TAFA5: variants seen among roughly 807,000 people sequenced by gnomAD.
TAFA5 encodes the protein TAFA chemokine like family member 5.
A neutral mutation model predicts 15.3 loss-of-function variants in TAFA5; 6 were observed. That is an observed-to-expected ratio of 0.39 (90% CI 0.21 to 0.77). TAFA5 has a LOEUF of 0.77. Ranked by LOEUF, TAFA5 falls within the 30% of genes least tolerant of loss-of-function variation. The pLI is 0.41. For missense variants in TAFA5, 161 were observed against 193.1 expected (o/e 0.83, Z 0.98); for synonymous variants, 103 against 80.7 (o/e 1.28, Z -1.48).
chr22:48,521,589 C>T (rs1921601698), intron 1 of TAFA5, among the ~76,000 whole-genome samples: 2 of 152,018 alleles, frequency 1.3e-5, no homozygotes, highest in South Asian at 2.1e-4. Context: ...GGATGGGTGT[C>T]GTGCCTGCGA....
At chr22:48,576,340 A>T in intron 1 of TAFA5, 1 of 1,037,514 alleles carries the variant, frequency 9.6e-7, no homozygotes, top group Non-Finnish European at 1.2e-6. Context: ...TGGCGCCTCC[A>T]GTCGCGGCGG....
At chr22:48,641,263 GTC>G (rs1252081948) in intron 1 of TAFA5, among the ~76,000 whole-genome samples, 3 of 152,268 alleles carry the variant, frequency 2.0e-5, no homozygotes, top group Admixed American at 6.5e-5. Flanking sequence ...ACAGAAGGGG[GTC>G]TCTGTGAAAT....
intron 1 of TAFA5, among the ~76,000 whole-genome samples, chr22:48,604,025 C>T (rs1263416567): frequency 6.6e-6 from 1 of 152,172 alleles, no homozygotes; most frequent in Non-Finnish European, 1.5e-5. Flanking sequence ...TTTTGATAAT[C>T]CAGGTACCCC....
chr22:48,713,254 A>G (rs938434244), intron 3 of TAFA5, among the ~76,000 whole-genome samples: 1 of 152,212 alleles, frequency 6.6e-6, no homozygotes, highest in Non-Finnish European at 1.5e-5. Context: ...CCATTTGCCC[A>G]ACGTGAGAGA....
At chr22:48,611,958 C>T (rs1386839551) in intron 1 of TAFA5, among the ~76,000 whole-genome samples, 1 of 152,176 alleles carries the variant, frequency 6.6e-6, no homozygotes, top group Non-Finnish European at 1.5e-5. Flanking sequence ...AATCCTGGGT[C>T]CCTGTTTACT....
intron 1 of TAFA5, among the ~76,000 whole-genome samples, chr22:48,595,270 C>G (rs1336978830): frequency 6.6e-6 from 1 of 152,214 alleles, no homozygotes; most frequent in African/African-American, 2.4e-5. Flanking sequence ...GTGATCAGCT[C>G]CAACCTCAAA....
chr22:48,618,552 C>T (rs1021172224), intron 1 of TAFA5, among the ~76,000 whole-genome samples: 1 of 152,220 alleles, frequency 6.6e-6, no homozygotes, highest in African/African-American at 2.4e-5. Flanking sequence ...GCCTCGTCCG[C>T]ACCCGCAGCT....
Position 48,598,121 on chromosome 22 carries a change from G to A in TAFA5, c.113-48476G>A, listed in dbSNP as rs34615874. On this transcript the variant is annotated intron_variant, in intron 1 of 3. Transcript: ENST00000402357. The surrounding 1 kb of genome is among the most constrained non-coding windows in gnomAD (Gnocchi z 4.0). The stretch of plus-strand genomic sequence containing the variant: ...GAAGAGGGCAGGCTGGAGACGCAGC[G>A]AGAGGTGCAGCTGGCGTCGTGAGGC... Among the ~76,000 whole-genome samples the A allele has an allele frequency of 0.14, 21,194 of 152,202 alleles. 1,751 individuals are homozygous for A. Among genetic ancestry groups the A allele is most frequent in the East Asian group, 0.23 (1,198 of 5,170 alleles).
At chr22:48,555,802 TG>T (rs1923016828) in intron 1 of TAFA5, among the ~76,000 whole-genome samples, 1 of 152,038 alleles carries the variant, frequency 6.6e-6, no homozygotes, top group Non-Finnish European at 1.5e-5. Context: ...GGGGTGGGGA[TG>T]GGGGCGCTGT....
chr22:48,526,652 G>T (rs1170333656), intron 1 of TAFA5, among the ~76,000 whole-genome samples: 1 of 152,230 alleles, frequency 6.6e-6, no homozygotes, highest in Non-Finnish European at 1.5e-5. Flanking sequence ...CAATGTCCCT[G>T]AGTGCATTTG....
At chr22:48,625,350 A>C (rs1455667159) in intron 1 of TAFA5, among the ~76,000 whole-genome samples, 1 of 152,214 alleles carries the variant, frequency 6.6e-6, no homozygotes. Flanking sequence ...AACTCTGATC[A>C]CCACCCCGTG....
At chr22:48,519,394 A>C (rs1043584817) in intron 1 of TAFA5, among the ~76,000 whole-genome samples, 20 of 152,242 alleles carry the variant, frequency 1.3e-4, no homozygotes, top group Admixed American at 4.6e-4. Context: ...CACGCTTCTC[A>C]GACTCAGAAT....
intron 1 of TAFA5, among the ~76,000 whole-genome samples, chr22:48,514,971 C>T (rs1417580754): frequency 2.6e-5 from 4 of 152,272 alleles, no homozygotes; most frequent in South Asian, 2.1e-4. Context: ...GGACATGGCA[C>T]GGGCCTCCCA....
At chr22:48,564,926 A>C (rs1923359938) in intron 1 of TAFA5, among the ~76,000 whole-genome samples, 1 of 152,246 alleles carries the variant, frequency 6.6e-6, no homozygotes, top group African/African-American at 2.4e-5. Flanking sequence ...GAGGAGGTGC[A>C]GAAGCTGCAG....
chr22:48,649,967 A>C (rs927229602), intron 2 of TAFA5, among the ~76,000 whole-genome samples: 1 of 152,088 alleles, frequency 6.6e-6, no homozygotes. Context: ...GGTCCCAGAG[A>C]CCCAAATTAA....
intron 1 of TAFA5, among the ~76,000 whole-genome samples, chr22:48,599,708 A>G (rs146533061): frequency 6.6e-6 from 1 of 152,296 alleles, no homozygotes; most frequent in Non-Finnish European, 1.5e-5. Context: ...CCACACAGAG[A>G]CGTGTTGGCT....
rs551013992 is a variant in TAFA5, at chr22:48,655,976, T to C, written c.262+9230T>C. Reference sequence around the variant, plus strand: ...GCCTCAGCCTCCCGAGTAGCAGGGATTACAGGCGCCTGCCACTACACCCGG... The same window carrying C: ...GCCTCAGCCTCCCGAGTAGCAGGGACTACAGGCGCCTGCCACTACACCCGG... On this transcript the variant is annotated intron_variant, in intron 2 of 3. Coordinates refer to ENST00000402357, the MANE Select transcript of TAFA5 (RefSeq NM_001082967.3). Among the ~76,000 whole-genome samples, 41 of 151,038 alleles carry C rather than the reference T, an allele frequency of 2.7e-4. No individual in the cohort carries two copies. In the East Asian group the frequency reaches 8.1e-3, roughly 30 times the overall value.
rs539803607 is a variant in TAFA5 at position 48,615,839 on chromosome 22, C to T, written c.113-30758C>T. On this transcript the variant is annotated intron_variant, in intron 1 of 3. Transcript: ENST00000402357. ...GCAGAGAACCCCCTCCCAGCCAGCC[C>T]TCTCTGCATTGCACATCCCTCCTGG... 8.5e-5 allele frequency among the ~76,000 whole-genome samples: 13 copies of T among 152,340 alleles called. No individual in the cohort carries two copies. In the South Asian group the frequency reaches 2.5e-3, roughly 29 times the overall value.
At chr22:48,615,826 CT>C (rs1030941127) in intron 1 of TAFA5, among the ~76,000 whole-genome samples, 3 of 152,070 alleles carry the variant, frequency 2.0e-5, no homozygotes, top group African/African-American at 7.2e-5. Flanking sequence ...AGAGAACCCC[CT>C]CCCAGCCAGC....
Sources: gnomAD v4.1 joint callset for allele counts (sites outside exome capture counted in the v4.1 genomes callset) on GRCh38, gnomAD v4.1.1 for gene constraint, Gnocchi (gnomAD v3.1) non-coding constraint, MANE v1.5 for transcripts, NCBI Gene and HGNC (gene_info 2026-07-23, HGNC 2026-07-21) for gene names.